Variants in HMBOX1 observed in about 807,000 individuals in gnomAD.
HMBOX1 encodes the protein homeobox-containing protein 1.
In HMBOX1, 14 loss-of-function variants were observed where a neutral mutation model predicts 54.5. The observed-to-expected ratio is 0.26, with a 90% CI of 0.17 to 0.40. The LOEUF (loss-of-function observed/expected upper bound fraction) is 0.40. Among genes scored for constraint, HMBOX1 ranks in the 10% least tolerant of loss-of-function variants. The pLI is 1.00. For synonymous variants in HMBOX1, 160 were observed against 181.0 expected, an observed-to-expected ratio of 0.88 and a Z score of 0.93; for missense variants, 332 against 514.4, an observed-to-expected ratio of 0.65 and a Z score of 3.43.
chr8:29,021,995 G>A (rs1329726940), intron 6 of HMBOX1, among the ~76,000 whole-genome samples: 1 of 152,192 alleles, frequency 6.6e-6, no homozygotes, highest in Non-Finnish European at 1.5e-5. Context: ...TGATTGGGCT[G>A]TAGAGAAACA....
At chr8:28,978,435 C>G (rs1828789951) in intron 3 of HMBOX1, among the ~76,000 whole-genome samples, 1 of 152,072 alleles carries the variant, frequency 6.6e-6, no homozygotes, top group Admixed American at 6.6e-5. Flanking sequence ...CTCTAAAGGA[C>G]TAGATAGTAA....
intron 1 of HMBOX1, among the ~76,000 whole-genome samples, chr8:28,903,536 A>G (rs762169614): frequency 2.0e-5 from 3 of 151,832 alleles, no homozygotes; most frequent in Non-Finnish European, 4.4e-5. Context: ...TCCTTGCTCC[A>G]ACCTCCTCAA....
chr8:28,984,991 TGAA>T (rs1829957689), intron 4 of HMBOX1, among the ~76,000 whole-genome samples: 1 of 152,192 alleles, frequency 6.6e-6, no homozygotes, highest in Non-Finnish European at 1.5e-5. Flanking sequence ...AGTAGTATAA[TGAA>T]GAAGTAACAG....
chr8:29,003,573 T>TATATATATATATATATATA (rs1832992055), intron 4 of HMBOX1, among the ~76,000 whole-genome samples: 1 of 139,412 alleles, frequency 7.2e-6, no homozygotes, highest in Non-Finnish European at 1.5e-5. Flanking sequence ...TATATATATA[T>TATATATATATATATATATA]ATATGAATGC....
chr8:28,898,770 T>G (rs1367036976), intron 1 of HMBOX1, among the ~76,000 whole-genome samples: 2 of 152,208 alleles, frequency 1.3e-5, no homozygotes, highest in Non-Finnish European at 2.9e-5. Flanking sequence ...TACCTGTTGA[T>G]GGTGACAGTG....
chr8:28,961,773 C>G (rs552299336), intron 1 of HMBOX1, among the ~76,000 whole-genome samples: 1 of 151,996 alleles, frequency 6.6e-6, no homozygotes, highest in Non-Finnish European at 1.5e-5. Flanking sequence ...TCCATAGTGG[C>G]TTCACCATTT....
At chr8:28,938,624 T>C (rs969113538) in intron 1 of HMBOX1, among the ~76,000 whole-genome samples, 8 of 151,852 alleles carry the variant, frequency 5.3e-5, no homozygotes, top group African/African-American at 1.5e-4. Context: ...TTTTTTTTTT[T>C]TTTGGTAGAG....
At chr8:29,018,651 A>G (rs1800701403) in intron 5 of HMBOX1, 109 bp from the exon 6 acceptor site, 1 of 1,077,188 alleles carries the variant, frequency 9.3e-7, no homozygotes, top group Non-Finnish European at 1.3e-6. Flanking sequence ...ACATTGATTA[A>G]GTTGTCACTA....
chr8:28,993,049 GT>G (rs5890435), intron 4 of HMBOX1, among the ~76,000 whole-genome samples: 131,385 of 149,510 alleles, frequency 0.88, 57,718 homozygotes, highest in East Asian at 0.95. Flanking sequence ...TCAACACCTA[GT>G]TTTTTTTTTT....
intron 1 of HMBOX1, among the ~76,000 whole-genome samples, chr8:28,943,455 G>C (rs563329312): frequency 1.3e-5 from 2 of 152,276 alleles, no homozygotes; most frequent in East Asian, 1.9e-4. Context: ...CAGATTTCTC[G>C]TCCTCAGCTC....
chr8:29,040,199 G>A (rs1804613125), intron 6 of HMBOX1, among the ~76,000 whole-genome samples: 1 of 151,898 alleles, frequency 6.6e-6, no homozygotes, highest in African/African-American at 2.4e-5. Flanking sequence ...TTATGTTTTG[G>A]CTCCTTTTAT....
intron 1 of HMBOX1, chr8:28,891,256 A>C (rs1810869629): frequency 6.6e-6 from 1 of 152,074 alleles, no homozygotes; most frequent in South Asian, 2.1e-4. Flanking sequence ...GCCCGCTCAC[A>C]CTCTGCCACT....
At chr8:28,924,299 T>C (rs900909998) in intron 1 of HMBOX1, among the ~76,000 whole-genome samples, 115 of 151,720 alleles carry the variant, frequency 7.6e-4, no homozygotes, top group African/African-American at 2.7e-3. Context: ...TTAGTAGAGA[T>C]GGGGTTTCAC....
intron 1 of HMBOX1, among the ~76,000 whole-genome samples, chr8:28,948,343 AT>A (rs759391504): frequency 5.3e-4 from 80 of 152,302 alleles, no homozygotes; most frequent in Admixed American, 2.6e-3. Context: ...CTTAGTAAAT[AT>A]TTGCTGAGTG....
At chr8:29,000,642 C>T (rs1832507243) in intron 4 of HMBOX1, among the ~76,000 whole-genome samples, 1 of 152,212 alleles carries the variant, frequency 6.6e-6, no homozygotes, top group South Asian at 2.1e-4. Context: ...TGAGTCAGGT[C>T]AAATAAAGCA....
At chr8:28,986,431 G>A (rs1319869653) in intron 4 of HMBOX1, among the ~76,000 whole-genome samples, 1 of 152,106 alleles carries the variant, frequency 6.6e-6, no homozygotes, top group Non-Finnish European at 1.5e-5. Context: ...CACAGACTGT[G>A]GAATTGTCCT....
At chr8:29,013,604 C>G (rs1405584550) in intron 5 of HMBOX1, among the ~76,000 whole-genome samples, 6 of 151,886 alleles carry the variant, frequency 4.0e-5, no homozygotes, top group Non-Finnish European at 8.8e-5. Context: ...ACAGACTCAT[C>G]ATCAGAATTT....
chr8:29,050,924 C>A, intron 9 of HMBOX1, 94 bp from the exon 10 acceptor site: 2 of 1,289,320 alleles, frequency 1.6e-6, no homozygotes, highest in African/African-American at 1.5e-5. Flanking sequence ...TTTCCTCCCA[C>A]GAATGTTCTG....
intron 1 of HMBOX1, among the ~76,000 whole-genome samples, chr8:28,962,823 T>G (rs1049459122): frequency 4.6e-5 from 7 of 152,152 alleles, no homozygotes; most frequent in Non-Finnish European, 1.0e-4. Flanking sequence ...TGTATTATAT[T>G]TTTTATTTGA....
Sources: allele counts gnomAD v4.1 joint callset (sites outside exome capture counted in the v4.1 genomes callset), GRCh38; gene constraint gnomAD v4.1.1; transcripts MANE v1.5; gene names NCBI Gene and HGNC (gene_info 2026-07-23, HGNC 2026-07-21).